The following KNDC1 variants were observed in gnomAD, a reference collection of about 807,000 sequenced individuals.
KNDC1 encodes the protein kinase non-catalytic C-lobe domain-containing protein 1.
In KNDC1, 106 loss-of-function variants were observed where a neutral mutation model predicts 172.8. The ratio of observed to expected loss-of-function variants is 0.61; its 90% CI spans 0.52 to 0.72. The LOEUF is 0.72. KNDC1 is among the 30% of genes least tolerant of loss of function. The probability of loss-of-function intolerance (pLI) is 0.00; values close to 1 mark genes in which losing one functional copy is unlikely to be tolerated. For synonymous variants in KNDC1, 1,083 were observed against 1,062.2 expected (o/e 1.02, Z -0.38); for missense variants, 2,325 against 2,394.5 (o/e 0.97, Z 0.61).
At chr10:133,207,737 G>C (rs551154111) in intron 20 of KNDC1, among the ~76,000 whole-genome samples, 1 of 152,248 alleles carries the variant, frequency 6.6e-6, no homozygotes, top group Non-Finnish European at 1.5e-5. Flanking sequence ...CTCCAGGGAC[G>C]GGTGAGGCTG....
Position 133,224,941 on chromosome 10 carries a change from G to A in KNDC1, c.*51G>A. On this transcript the variant is annotated 3_prime_UTR_variant, in exon 30 of 30. Transcript: ENST00000304613. The surrounding 1 kb of genome is among the most constrained non-coding windows in gnomAD (Gnocchi z 5.4). ...CCAGATCCGAATCCGACTGTGGGGG[G>A]CGGGCTGGGAGGTGGGAGCCGCGTC... The A allele has an allele frequency of 2.0e-6, 3 of 1,477,652 alleles. No homozygotes were observed. Among genetic ancestry groups the A allele is most frequent in the East Asian group, 2.4e-5 (1 of 42,444 alleles). 91.5% of individuals were successfully genotyped at this position (1,477,652 alleles called of 1,614,324 possible). A position where few individuals can be genotyped will look rare whatever the true frequency, so the allele number is the denominator to read the frequency against.
intron 3 of KNDC1, among the ~76,000 whole-genome samples, chr10:133,180,891 G>C (rs1475462194): frequency 6.6e-6 from 1 of 152,384 alleles, no homozygotes; most frequent in African/African-American, 2.4e-5. Flanking sequence ...AACTCGACGA[G>C]TGAGTTTACT....
At chr10:133,212,558 G>A (rs980467539) in intron 23 of KNDC1, among the ~76,000 whole-genome samples, 158 bp from the exon 24 acceptor site, 2 of 152,234 alleles carry the variant, frequency 1.3e-5, no homozygotes, top group Non-Finnish European at 2.9e-5. Context: ...CAGCACAGCT[G>A]CGGGTGGGCA....
chr10:133,223,503 GCA>G (rs201296059), intron 29 of KNDC1, among the ~76,000 whole-genome samples: 2 of 48,754 alleles, frequency 4.1e-5, no homozygotes, highest in African/African-American at 1.8e-4. Context: ...GCGTGTGTGT[GCA>G]TGTGTGTGAG....
chr10:133,215,462 T>C (rs1247501955), intron 26 of KNDC1, among the ~76,000 whole-genome samples: 1 of 152,236 alleles, frequency 6.6e-6, no homozygotes. Flanking sequence ...CTTTGGGGAT[T>C]TGTCGCCAGG....
intron 17 of KNDC1, 102 bp downstream of exon 17, chr10:133,202,000 C>T: frequency 7.6e-7 from 1 of 1,321,104 alleles, no homozygotes; most frequent in Non-Finnish European, 1.1e-6. Context: ...TGCCCAGAGC[C>T]CCCAACAGGG....
rs112677705 is a variant in KNDC1 at position 133,195,657 on chromosome 10, G to T, written c.1576-6G>T. On this transcript the variant is annotated splice_region_variant and splice_polypyrimidine_tract_variant and intron_variant, in intron 9 of 29. Transcript: ENST00000304613. Reference sequence around the variant, plus strand: ...GGTAGACACTATTCTCTCCCCACCCGCCCAGGCCTCTGTGTACTGTGTGGC... The same window carrying T: ...GGTAGACACTATTCTCTCCCCACCCTCCCAGGCCTCTGTGTACTGTGTGGC... 6.3e-7 allele frequency: 1 copy of T among 1,581,096 alleles called. No homozygotes were observed. The highest frequency in any genetic ancestry group is 8.6e-7 in the Non-Finnish European group (1 of 1,164,080).
At chr10:133,220,978 T>A (rs898978214) in intron 29 of KNDC1, among the ~76,000 whole-genome samples, 2 of 152,008 alleles carry the variant, frequency 1.3e-5, no homozygotes, top group Admixed American at 1.3e-4. Flanking sequence ...CAGACCTCCC[T>A]CTACCCAAGA....
chr10:133,176,491 G>A (rs1296261726), intron 3 of KNDC1, among the ~76,000 whole-genome samples: 2 of 152,170 alleles, frequency 1.3e-5, no homozygotes, highest in Non-Finnish European at 2.9e-5. Context: ...CTCTGTGTGT[G>A]CAGTGCCTGG....
intron 26 of KNDC1, 31 bp downstream of exon 26, chr10:133,214,153 G>A (rs751536940): frequency 3.2e-5 from 52 of 1,610,634 alleles, no homozygotes; most frequent in South Asian, 6.6e-5. Context: ...AGGCCAACAC[G>A]GGGCGTGGGG....
At position 133,167,391 on chromosome 10, in the gene KNDC1, C is replaced by T; in HGVS notation, c.113C>T (p.Ser38Phe). The change falls in exon 2 of 30, where the codon TCT becomes TTT. Residue 38 changes from serine (S) to phenylalanine (F), a missense_variant. Coordinates refer to ENST00000304613, the MANE Select transcript of KNDC1 (RefSeq NM_152643.8). Reference sequence around the variant, plus strand: ...GGCCGGTCTTGGCAGGAGAACGTGTCTCTGGCTGACATCCTCTCCCTGCGG... The same window carrying T: ...GGCCGGTCTTGGCAGGAGAACGTGTTTCTGGCTGACATCCTCTCCCTGCGG... ...PTLPEDEENV[S>F]LADILSLRDR... The T allele has an allele frequency of 6.3e-7, 1 of 1,587,544 alleles. No homozygotes were observed. Among genetic ancestry groups the T allele is most frequent in the Non-Finnish European group, 8.6e-7 (1 of 1,168,878 alleles).
intron 26 of KNDC1, among the ~76,000 whole-genome samples, chr10:133,218,498 G>A (rs1387727973): frequency 6.7e-6 from 1 of 149,782 alleles, no homozygotes; most frequent in Non-Finnish European, 1.5e-5. Flanking sequence ...TCCCTGGGTG[G>A]GGTCGCCTTT....
At chr10:133,219,240 T>A in intron 28 of KNDC1, 150 bp downstream of exon 28, 1 of 921,172 alleles carries the variant, frequency 1.1e-6, no homozygotes, top group Non-Finnish European at 1.6e-6. Flanking sequence ...GGCCTTGGAG[T>A]CATCTCCCGG....
chr10:133,212,718 C>T lies in KNDC1; in HGVS notation c.4239C>T (p.Ser1413=), dbSNP rs759361238. The T allele has an allele frequency of 3.7e-6, 6 of 1,612,296 alleles. No homozygotes were observed. In the South Asian group the frequency reaches 5.5e-5, roughly 15 times the overall value. The change falls in exon 24 of 30, where the codon AGC becomes AGT. Residue 1413 remains serine, a splice_region_variant and synonymous_variant. Transcript: ENST00000304613. ...TCAGTGCCCGGCCTGCCCTGCAGAG[C>T]TTCCCCTGGAGGCTGCCCCGAGGCA... ...RLSEDGISRK[S]FPWRLPRGNG...
In KNDC1 at chr10:133,183,455, C is replaced by A. The variant is rs1591237194; in HGVS notation, c.472C>A (p.Gln158Lys). ...QDLEALLSRM[Q>K]AEDPGDRPDL... is the part of the protein sequence containing the mutation. ...CCTCGAGGCGCTGCTGAGCCGGATG[C>A]AGGCGGAGGACCCCGGGGACCGGCC... is the stretch of plus-strand genomic sequence containing the variant. The change falls in exon 4 of 30, where the codon CAG becomes AAG. Residue 158 changes from glutamine to lysine, a missense_variant. Physicochemically the swap from Gln to Lys is moderately conservative, Grantham distance 53 (BLOSUM62 1). Coordinates refer to ENST00000304613, the MANE Select transcript of KNDC1 (RefSeq NM_152643.8). The A allele has an allele frequency of 6.2e-7, 1 of 1,605,910 alleles. No homozygotes were observed. Among genetic ancestry groups the A allele is most frequent in the East Asian group, 2.2e-5 (1 of 44,650 alleles).
At chr10:133,161,527 A>T (rs1852969337) in intron 1 of KNDC1, among the ~76,000 whole-genome samples, 1 of 151,922 alleles carries the variant, frequency 6.6e-6, no homozygotes, top group Non-Finnish European at 1.5e-5. Context: ...CTCTGAAGGG[A>T]CCGGGAGTTT....
chr10:133,183,283 G>T, intron 3 of KNDC1, 61 bp from the exon 4 acceptor site: 1 of 1,489,388 alleles, frequency 6.7e-7, no homozygotes. Flanking sequence ...AGAAGTGCTG[G>T]CCGCGGTCGG....
At chr10:133,217,648 G>C (rs1426667873) in intron 26 of KNDC1, among the ~76,000 whole-genome samples, 2 of 152,170 alleles carry the variant, frequency 1.3e-5, no homozygotes, top group East Asian at 1.9e-4. Flanking sequence ...AGACCAGCCT[G>C]GCTGACATGG....
intron 26 of KNDC1, among the ~76,000 whole-genome samples, chr10:133,217,658 G>T (rs1845495573): frequency 6.6e-6 from 1 of 152,114 alleles, no homozygotes; most frequent in Non-Finnish European, 1.5e-5. Flanking sequence ...GGCTGACATG[G>T]TGAAACCCCA....
Sources: gnomAD v4.1 joint callset for allele counts (sites outside exome capture counted in the v4.1 genomes callset) on GRCh38, gnomAD v4.1.1 for gene constraint, Gnocchi (gnomAD v3.1) non-coding constraint, MANE v1.5 for transcripts, NCBI Gene and HGNC (gene_info 2026-07-23, HGNC 2026-07-21) for gene names.